MOB1B: variants seen among roughly 807,000 people sequenced by gnomAD.
MOB1B encodes the protein MOB kinase activator 1B.
A neutral mutation model predicts 24.4 loss-of-function variants in MOB1B; 19 were observed. The observed-to-expected ratio is 0.78, with a 90% CI of 0.54 to 1.14. MOB1B has a LOEUF of 1.14. Ranked by LOEUF, MOB1B falls within the 50% of genes most tolerant of loss-of-function variation. The pLI, the probability that MOB1B is intolerant of heterozygous loss-of-function variation, is 0.00. For synonymous variants in MOB1B, 76 were observed against 82.1 expected (o/e 0.93, Z 0.40); for missense variants, 243 against 259.6 (o/e 0.94, Z 0.44).
chr4:70,902,810 G>T (rs1372623088), intron 1 of MOB1B, among the ~76,000 whole-genome samples: 1 of 152,220 alleles, frequency 6.6e-6, no homozygotes, highest in African/African-American at 2.4e-5. Flanking sequence ...CCCGGGGCCA[G>T]CGCCTGGATT....
chr4:70,938,873 G>A (rs901138512), intron 1 of MOB1B, among the ~76,000 whole-genome samples: 2 of 151,394 alleles, frequency 1.3e-5, no homozygotes, highest in Admixed American at 1.3e-4. Context: ...TACCTCCCGG[G>A]TGCAAGCGAT....
intron 1 of MOB1B, among the ~76,000 whole-genome samples, chr4:70,905,692 A>G (rs2148864314): frequency 6.6e-6 from 1 of 152,296 alleles, no homozygotes; most frequent in South Asian, 2.1e-4. Context: ...GGGCAATGCA[A>G]GATGGGGCTG....
At chr4:70,968,734 C>T (rs1477383631) in intron 2 of MOB1B, among the ~76,000 whole-genome samples, 9 of 152,160 alleles carry the variant, frequency 5.9e-5, no homozygotes. Context: ...CCTGTCTCAG[C>T]CTTCTGAATG....
At chr4:70,958,267 C>T (rs113557632) in intron 1 of MOB1B, among the ~76,000 whole-genome samples, 8 of 151,726 alleles carry the variant, frequency 5.3e-5, no homozygotes, top group African/African-American at 1.7e-4. Context: ...CGAGTTCAAG[C>T]GATTCTCCTG....
In MOB1B at chr4:70,958,888, C is replaced by T. The variant is rs764750751; in HGVS notation, c.29C>T (p.Ser10Phe). The part of the protein sequence containing the change: MSFLFGSRS[S>F]KTFKPKKNIP... The stretch of plus-strand genomic sequence containing the variant: ...TCTATTCATAGTGGTAGTCGCTCTT[C>T]TAAAACTTTTAAACCAAAGAAGAAC... The change falls in exon 2 of 6, where the codon TCT becomes TTT. Residue 10 changes from serine (S) to phenylalanine (F), a missense_variant. Ser to Phe is a radical substitution (Grantham distance 155). Transcript: ENST00000309395. 1 of 1,609,964 alleles carries T rather than the reference C, an allele frequency of 6.2e-7. No individual in the cohort carries two copies. The highest frequency in any genetic ancestry group is 8.5e-7 in the Non-Finnish European group (1 of 1,178,964).
intron 1 of MOB1B, among the ~76,000 whole-genome samples, chr4:70,952,459 T>C (rs982227340): frequency 2.0e-5 from 3 of 151,302 alleles, no homozygotes; most frequent in Non-Finnish European, 4.4e-5. Flanking sequence ...CTGGCTAAAA[T>C]GGTGAAACCC....
chr4:70,910,853 A>G (rs1735953762), intron 1 of MOB1B, among the ~76,000 whole-genome samples: 1 of 151,686 alleles, frequency 6.6e-6, no homozygotes, highest in Admixed American at 6.6e-5. Context: ...CAGTGGCATG[A>G]TCTCAGCTCA....
intron 1 of MOB1B, among the ~76,000 whole-genome samples, chr4:70,952,767 A>G (rs111735633): frequency 1.8e-4 from 28 of 151,678 alleles, no homozygotes; most frequent in African/African-American, 6.5e-4. Context: ...TATGTTTTTG[A>G]AAATTTTTGT....
intron 3 of MOB1B, among the ~76,000 whole-genome samples, chr4:70,974,462 A>T (rs1247134632): frequency 6.6e-6 from 1 of 152,086 alleles, no homozygotes; most frequent in Non-Finnish European, 1.5e-5. Flanking sequence ...GTTTTCTACT[A>T]GCCTGTTTTC....
chr4:70,951,993 T>C (rs28673341), intron 1 of MOB1B, among the ~76,000 whole-genome samples: 21,175 of 152,232 alleles, frequency 0.14, 3,170 homozygotes, highest in African/African-American at 0.37. Context: ...TGCTCCCATA[T>C]GTTGTTAATG....
At chr4:70,935,909 T>G (rs1437637330) in intron 1 of MOB1B, among the ~76,000 whole-genome samples, 1 of 142,462 alleles carries the variant, frequency 7.0e-6, no homozygotes, top group Non-Finnish European at 1.5e-5. Flanking sequence ...TGGAGTGCAG[T>G]GGCGGGATCT....
Position 70,902,391 on chromosome 4 carries a change from T to C in MOB1B, c.-146T>C. On this transcript the variant is annotated 5_prime_UTR_variant, in exon 1 of 6. Transcript: ENST00000309395. ...GCCATTGGAACTAGCTGAGCCGAAC[T>C]AGTTGCGGCCACCGAGCAGCCGGCT... 1 of 788,452 alleles carries C rather than the reference T, an allele frequency of 1.3e-6. No homozygotes were observed. The highest frequency in any genetic ancestry group is 2.2e-6 in the Non-Finnish European group (1 of 459,158). The allele number at this position is 788,452 out of a possible 1,614,324, so 48.8% of individuals were successfully genotyped here. A position where few individuals can be genotyped will look rare whatever the true frequency, so the allele number is the denominator to read the frequency against.
chr4:70,910,040 G>A (rs1471307366), intron 1 of MOB1B, among the ~76,000 whole-genome samples: 5 of 151,382 alleles, frequency 3.3e-5, no homozygotes, highest in East Asian at 1.9e-4. Flanking sequence ...GAGCCACCAC[G>A]CCCGGCCTTT....
intron 3 of MOB1B, among the ~76,000 whole-genome samples, chr4:70,971,525 A>G (rs1056533583): frequency 2.6e-5 from 4 of 151,358 alleles, no homozygotes; most frequent in Admixed American, 6.6e-5. Flanking sequence ...AAAAAAAAGT[A>G]ATTTAAAGAC....
At chr4:70,936,373 C>A (rs770159400) in intron 1 of MOB1B, among the ~76,000 whole-genome samples, 6 of 152,108 alleles carry the variant, frequency 3.9e-5, no homozygotes, top group Non-Finnish European at 4.4e-5. Context: ...CTTTTGCTTG[C>A]AAATCCTCAA....
intron 1 of MOB1B, among the ~76,000 whole-genome samples, chr4:70,918,092 A>G (rs1052169921): frequency 6.6e-6 from 1 of 152,220 alleles, no homozygotes; most frequent in African/African-American, 2.4e-5. Context: ...AAGATTGAAC[A>G]TAATTTTGGC....
intron 1 of MOB1B, among the ~76,000 whole-genome samples, chr4:70,955,464 CT>C (rs36054184): frequency 8.1e-4 from 72 of 89,334 alleles, no homozygotes; most frequent in African/African-American, 1.1e-3. Flanking sequence ...AGTATGTGTC[CT>C]TTTTTTTTTT....
At position 70,924,521 on chromosome 4, in the gene MOB1B, C is replaced by T. The variant is rs776345824; in HGVS notation, c.14+21971C>T. 4.1e-4 allele frequency among the ~76,000 whole-genome samples: 63 copies of T among 152,170 alleles called. 1 individual carries two copies. The highest frequency in any genetic ancestry group is 7.6e-4 in the Non-Finnish European group (52 of 68,010). ...ATTATACTTTAAGTTCTAGGGTACA[C>T]GAGCACAACGTGCAGTTTTGATACA... is the stretch of plus-strand genomic sequence containing the variant. On this transcript the variant is annotated intron_variant, in intron 1 of 5. Transcript: ENST00000309395.
chr4:70,973,493 A>C (rs970700878), intron 3 of MOB1B, among the ~76,000 whole-genome samples: 4 of 149,332 alleles, frequency 2.7e-5, no homozygotes, highest in South Asian at 2.1e-4. Flanking sequence ...AAAAAAAAAA[A>C]CATAATGATG....
Sources: allele counts gnomAD v4.1 joint callset (sites outside exome capture counted in the v4.1 genomes callset), GRCh38; gene constraint gnomAD v4.1.1; transcripts MANE v1.5; gene names NCBI Gene and HGNC (gene_info 2026-07-23, HGNC 2026-07-21).